TMEM65: variants seen among roughly 807,000 people sequenced by gnomAD.
The protein encoded by TMEM65 is transmembrane protein 65.
A neutral mutation model predicts 25.4 loss-of-function variants in TMEM65; 22 were observed. That is an observed-to-expected ratio of 0.86 (90% CI 0.62 to 1.23). The LOEUF (loss-of-function observed/expected upper bound fraction) is 1.23, where lower values mean the gene tolerates loss of function less well. TMEM65 is among the 50% of genes most tolerant of loss of function. TMEM65 has a pLI of 0.00. For synonymous variants in TMEM65, 132 were observed against 126.2 expected, an observed-to-expected ratio of 1.05 and a Z score of -0.31; for missense variants, 262 against 308.2, an observed-to-expected ratio of 0.85 and a Z score of 1.12.
intron 1 of TMEM65, among the ~76,000 whole-genome samples, chr8:124,344,972 A>C (rs1443688865): frequency 1.3e-5 from 2 of 152,226 alleles, no homozygotes; most frequent in Non-Finnish European, 2.9e-5. Flanking sequence ...GAATGGTGTC[A>C]ATGCCCAAAA....
chr8:124,333,741 T>G (rs1274798848), intron 1 of TMEM65, among the ~76,000 whole-genome samples: 2 of 152,100 alleles, frequency 1.3e-5, no homozygotes, highest in Non-Finnish European at 1.5e-5. Flanking sequence ...TAGAGGGGAA[T>G]CAACACAGAA....
At position 124,311,404 on chromosome 8, in the gene TMEM65, C is replaced by A. The variant is rs1170640301; in HGVS notation, c.*2556G>T. 1 of 152,514 alleles carries A rather than the reference C, an allele frequency of 6.6e-6. No individual in the cohort carries two copies. Among genetic ancestry groups the A allele is most frequent in the Admixed American group, 6.6e-5 (1 of 15,254 alleles). 9.4% of individuals were successfully genotyped at this position (152,514 alleles called of 1,614,324 possible). ...CACATTCCAAATTTCTTAAAAGATA[C>A]TTTTTTTGTTCAATTCCTTTGTAAA... On this transcript the variant is annotated 3_prime_UTR_variant, in exon 7 of 7. Transcript: ENST00000297632.
chr8:124,354,012 A>G (rs2131221615), intron 1 of TMEM65, among the ~76,000 whole-genome samples: 1 of 152,274 alleles, frequency 6.6e-6, no homozygotes. Context: ...GGGCCAAATG[A>G]TAGGATGAAA....
chr8:124,354,528 C>G (rs1418636716), intron 1 of TMEM65, among the ~76,000 whole-genome samples: 2 of 152,134 alleles, frequency 1.3e-5, no homozygotes, highest in Non-Finnish European at 2.9e-5. Context: ...ACCGACACAG[C>G]TGAAGAATGC....
chr8:124,324,247 A>AT (rs975689547), intron 3 of TMEM65, among the ~76,000 whole-genome samples: 11 of 152,064 alleles, frequency 7.2e-5, no homozygotes, highest in African/African-American at 2.7e-4. Flanking sequence ...AACGCCCTGT[A>AT]TTTTACGTAG....
At chr8:124,343,926 G>A (rs1026911664) in intron 1 of TMEM65, among the ~76,000 whole-genome samples, 1 of 152,194 alleles carries the variant, frequency 6.6e-6, no homozygotes, top group African/African-American at 2.4e-5. Flanking sequence ...AATTGTATAA[G>A]AAAACCAGAG....
chr8:124,315,906 T>C (rs1195114125), intron 6 of TMEM65, among the ~76,000 whole-genome samples: 1 of 152,342 alleles, frequency 6.6e-6, no homozygotes, highest in Middle Eastern at 3.4e-3. Flanking sequence ...TATTTACTCA[T>C]TTGAATATAT....
Position 124,337,409 on chromosome 8 carries a change from C to T in TMEM65, c.305-6617G>A, listed in dbSNP as rs147083231. 2.6e-3 allele frequency among the ~76,000 whole-genome samples: 389 copies of T among 151,894 alleles called. 3 individuals are homozygous for T. Among genetic ancestry groups the T allele is most frequent in the Non-Finnish European group, 2.7e-3 (184 of 67,802 alleles). ...ATGGCATAATAAATATTCTGCTTTC[C>T]GAAGTATAAGAGTTTATTCATAATA... On this transcript the variant is annotated intron_variant, in intron 1 of 6. Transcript: ENST00000297632.
chr8:124,355,635 T>C (rs1288353358), intron 1 of TMEM65, among the ~76,000 whole-genome samples: 1 of 152,192 alleles, frequency 6.6e-6, no homozygotes, highest in Non-Finnish European at 1.5e-5. Flanking sequence ...CTGTGTGATA[T>C]AACATAGGGG....
At chr8:124,315,652 A>G (rs957017015) in intron 6 of TMEM65, among the ~76,000 whole-genome samples, 1 of 150,834 alleles carries the variant, frequency 6.6e-6, no homozygotes, top group Non-Finnish European at 1.5e-5. Flanking sequence ...CAAATTTAAT[A>G]GTAGACATTA....
In TMEM65 at chr8:124,349,924, T is replaced by C. The variant is rs76939916; in HGVS notation, c.305-19132A>G. Among the ~76,000 whole-genome samples, 545 of 152,292 alleles carry C rather than the reference T, an allele frequency of 3.6e-3. 1 individual carries two copies. The highest frequency in any genetic ancestry group is 0.012 in the African/African-American group (517 of 41,578). The stretch of plus-strand genomic sequence containing the variant: ...TGAATTTTATTTGAATAAATTTGAA[T>C]AAGTATCAAATAAGTATTTGAGGGC... On this transcript the variant is annotated intron_variant, in intron 1 of 6. Transcript: ENST00000297632.
chr8:124,327,391 C>G lies in TMEM65; in HGVS notation c.380G>C (p.Gly127Ala). The G allele has an allele frequency of 6.2e-7, 1 of 1,601,266 alleles. No homozygotes were observed. Among genetic ancestry groups the G allele is most frequent in the Non-Finnish European group, 8.5e-7 (1 of 1,174,618 alleles). ...VFIHNAIPFI[G>A]FGFLDNAIMI... ...AATTGCATTATCCAAAAAGCCAAAC[C>G]CTATGAAAGGTATCGCATTGTGGAT... The change falls in exon 3 of 7, where the codon GGG (glycine) becomes GCG (alanine). Residue 127 changes from glycine to alanine, a missense_variant. Physicochemically the swap from Gly to Ala is moderately conservative, Grantham distance 60. Transcript: ENST00000297632.
chr8:124,323,787 C>T (rs1001234916), intron 3 of TMEM65, among the ~76,000 whole-genome samples: 35 of 152,000 alleles, frequency 2.3e-4, no homozygotes, highest in African/African-American at 7.7e-4. Context: ...TAAAAGGAGA[C>T]TAAACCAGTT....
chr8:124,331,862 T>G lies in TMEM65; in HGVS notation c.305-1070A>C, dbSNP rs529946580. Among the ~76,000 whole-genome samples the G allele has an allele frequency of 2.0e-5, 3 of 152,138 alleles. 1 individual carries two copies. In the South Asian group the frequency reaches 6.2e-4, roughly 32 times the overall value. ...AACAAAAGAACTAAGGAATTTAGTA[T>G]AAAAAAGTAAAAGTCAAATCTCCAT... On this transcript the variant is annotated intron_variant, in intron 1 of 6. Coordinates refer to ENST00000297632, the MANE Select transcript of TMEM65 (RefSeq NM_194291.3).
At position 124,310,490 on chromosome 8, in the gene TMEM65, G is replaced by A. The variant is rs530763175; in HGVS notation, c.*3470C>T. On this transcript the variant is annotated 3_prime_UTR_variant, in exon 7 of 7. Coordinates refer to ENST00000297632, the MANE Select transcript of TMEM65 (RefSeq NM_194291.3). The stretch of plus-strand genomic sequence containing the variant: ...CATACTTGGACAAAATAGGATTCCA[G>A]TCCACTTATTCGTAGTGGCAAACTA... 15 of 152,224 alleles carry A rather than the reference G, an allele frequency of 9.9e-5. No homozygotes were observed. The highest frequency in any genetic ancestry group is 9.2e-4 in the Admixed American group (14 of 15,286). The allele number at this position is 152,224 out of a possible 1,614,324, so 9.4% of individuals were successfully genotyped here. A position where few individuals can be genotyped will look rare whatever the true frequency, so the allele number is the denominator to read the frequency against.
chr8:124,320,794 CAAT>C (rs1586456583), intron 5 of TMEM65, among the ~76,000 whole-genome samples: 1 of 152,062 alleles, frequency 6.6e-6, no homozygotes, highest in African/African-American at 2.4e-5. Flanking sequence ...ATACTACCAA[CAAT>C]AAGATGGATC....
chr8:124,372,262 T>A lies in TMEM65; in HGVS notation c.-105A>T. 3.7e-6 allele frequency: 4 copies of A among 1,085,942 alleles called. 1 individual carries two copies. In the South Asian group the frequency reaches 8.4e-5, roughly 23 times the overall value. The allele number at this position is 1,085,942 out of a possible 1,614,324, so 67.3% of individuals were successfully genotyped here. A position where few individuals can be genotyped will look rare whatever the true frequency, so the allele number is the denominator to read the frequency against. On this transcript the variant is annotated 5_prime_UTR_variant, in exon 1 of 7. Coordinates refer to ENST00000297632, the MANE Select transcript of TMEM65 (RefSeq NM_194291.3). ...TCAGCTCGACCCCGCCCCGAGGTCC[T>A]CCTGCCAGGCAGCCGAGGCGCCGGG...
At chr8:124,351,205 A>G in intron 1 of TMEM65, 1 of 753,138 alleles carries the variant, frequency 1.3e-6, no homozygotes, top group African/African-American at 1.9e-5. Context: ...AAAACTTAGA[A>G]GTGCCACATG....
rs768060532 is a variant in TMEM65, at chr8:124,310,279, T to C, written c.*3681A>G. The C allele has an allele frequency of 2.6e-5, 4 of 152,194 alleles. No homozygotes were observed. The highest frequency in any genetic ancestry group is 9.7e-5 in the African/African-American group (4 of 41,450). 9.4% of individuals were successfully genotyped at this position (152,194 alleles called of 1,614,324 possible). ...TCAGTGCCTTGAACATCCTAGCACA[T>C]AGTATGTAATAAAGAACACAAGATT... is the stretch of plus-strand genomic sequence containing the variant. On this transcript the variant is annotated 3_prime_UTR_variant, in exon 7 of 7. Transcript: ENST00000297632.
Sources: gnomAD v4.1 joint callset for allele counts (sites outside exome capture counted in the v4.1 genomes callset) on GRCh38, gnomAD v4.1.1 for gene constraint, MANE v1.5 for transcripts, NCBI Gene and HGNC (gene_info 2026-07-23, HGNC 2026-07-21) for gene names.